Variants in SLCO1C1 observed in about 807,000 individuals in gnomAD.
SLCO1C1 encodes OAT-RP-5.
SLCO1C1 carries 70 observed loss-of-function variants against 76.4 expected under a neutral mutation model. The ratio of observed to expected loss-of-function variants is 0.92; its 90% CI spans 0.76 to 1.12. SLCO1C1 has a LOEUF of 1.12. Ranked by LOEUF, SLCO1C1 falls within the 50% of genes most tolerant of loss-of-function variation. SLCO1C1 has a pLI of 0.00. For missense variants in SLCO1C1, 912 were observed against 823.8 expected, an observed-to-expected ratio of 1.11 and a Z score of -1.31; for synonymous variants, 306 against 286.1, an observed-to-expected ratio of 1.07 and a Z score of -0.70.
Position 20,752,434 on chromosome 12 carries a change from C to T in SLCO1C1, c.2045C>T (p.Thr682Ile), listed in dbSNP as rs1949356225. 5 of 1,613,176 alleles carry T rather than the reference C, an allele frequency of 3.1e-6. No individual in the cohort carries two copies. Among genetic ancestry groups the T allele is most frequent in the Non-Finnish European group, 4.2e-6 (5 of 1,179,532 alleles). ...HRSFITKRER[T>I]MVSTRFQKEN... ...AGTTTTATAACCAAGAGAGAAAGAA[C>T]AATGGTGTCTACAAGATTCCAAAAG... Residue 682 changes from threonine (T) to isoleucine (I), a missense_variant, in exon 15 of 15, where the codon ACA becomes ATA. Thr to Ile is a moderately conservative substitution (Grantham distance 89). Coordinates refer to ENST00000266509, the MANE Select transcript of SLCO1C1 (RefSeq NM_017435.5).
At chr12:20,722,649 C>A (rs1338238436) in intron 8 of SLCO1C1, among the ~76,000 whole-genome samples, 1 of 152,206 alleles carries the variant, frequency 6.6e-6, no homozygotes, top group Admixed American at 6.5e-5. Flanking sequence ...CACTAAAATT[C>A]ATATATTAAA....
At chr12:20,705,041 C>A (rs147282078) in intron 3 of SLCO1C1, among the ~76,000 whole-genome samples, 1 of 152,050 alleles carries the variant, frequency 6.6e-6, no homozygotes, top group Non-Finnish European at 1.5e-5. Context: ...ACGTTTGGTA[C>A]TTGCCAAGAA....
chr12:20,731,196 G>T (rs1478836875), intron 9 of SLCO1C1, among the ~76,000 whole-genome samples: 1 of 152,166 alleles, frequency 6.6e-6, no homozygotes, highest in African/African-American at 2.4e-5. Flanking sequence ...CAAACTATCT[G>T]AAGTTATGCA....
intron 9 of SLCO1C1, among the ~76,000 whole-genome samples, chr12:20,727,360 T>C (rs917857112): frequency 3.9e-5 from 6 of 152,144 alleles, no homozygotes; most frequent in Non-Finnish European, 5.9e-5. Flanking sequence ...CTCACCAACA[T>C]CTGTTATTTT....
intron 5 of SLCO1C1, among the ~76,000 whole-genome samples, chr12:20,713,102 C>T (rs1310296698): frequency 4.7e-5 from 6 of 128,890 alleles, no homozygotes; most frequent in East Asian, 4.4e-4. Flanking sequence ...TTTTTTGAGA[C>T]GGAGTCTCGC....
Position 20,723,103 on chromosome 12 carries a change from A to G in SLCO1C1, c.1035A>G (p.Ser345=). Residue 345 remains serine, a synonymous_variant, in exon 9 of 15, where the codon TCA becomes TCG. Transcript: ENST00000266509. The part of the protein sequence containing the change: ...IMEMARDFLP[S]LKNLFGNPVY... ...TTTGTTTTACAGATTTTCTTCCATCACTGAAGAATCTTTTTGGAAACCCAG... is the reference window on the plus strand; with the variant it reads ...TTTGTTTTACAGATTTTCTTCCATCGCTGAAGAATCTTTTTGGAAACCCAG... 1 of 1,602,766 alleles carries G rather than the reference A, an allele frequency of 6.2e-7. No homozygotes were observed. Among genetic ancestry groups the G allele is most frequent in the Non-Finnish European group, 8.5e-7 (1 of 1,176,740 alleles).
At chr12:20,742,505 A>G (rs551177343) in intron 12 of SLCO1C1, among the ~76,000 whole-genome samples, 43 of 151,818 alleles carry the variant, frequency 2.8e-4, no homozygotes, top group Non-Finnish European at 5.2e-4. Flanking sequence ...CTTATTATTT[A>G]GGTGTTTTTG....
intron 4 of SLCO1C1, among the ~76,000 whole-genome samples, chr12:20,707,417 G>A (rs1236437861): frequency 1.3e-5 from 2 of 151,906 alleles, no homozygotes; most frequent in East Asian, 3.9e-4. Context: ...TTCCACTACT[G>A]AAAAAATTAA....
At chr12:20,704,558 A>G (rs1275018086) in intron 3 of SLCO1C1, among the ~76,000 whole-genome samples, 1 of 151,896 alleles carries the variant, frequency 6.6e-6, no homozygotes, top group Non-Finnish European at 1.5e-5. Context: ...TAATATGAAC[A>G]TTAAGAAGAG....
Position 20,740,176 on chromosome 12 carries a change from T to G in SLCO1C1, c.1549-8T>G. On this transcript the variant is annotated splice_region_variant and splice_polypyrimidine_tract_variant and intron_variant, in intron 11 of 14. Coordinates refer to ENST00000266509, the MANE Select transcript of SLCO1C1 (RefSeq NM_017435.5). ...GAAATAATTGGACTTTTCCCTATCG[T>G]GTTACAGATATTTTACAACTGCACT... 1.9e-6 allele frequency: 3 copies of G among 1,605,556 alleles called. No homozygotes were observed. The highest frequency in any genetic ancestry group is 2.5e-6 in the Non-Finnish European group (3 of 1,177,020).
chr12:20,711,252 C>A, intron 4 of SLCO1C1, 134 bp from the exon 5 acceptor site: 1 of 996,624 alleles, frequency 1.0e-6, no homozygotes, highest in Non-Finnish European at 1.4e-6. Flanking sequence ...TAAACACTGG[C>A]TTGATTTGGT....
intron 9 of SLCO1C1, 23 bp from the exon 10 acceptor site, chr12:20,732,886 G>C (rs767442980): frequency 1.7e-5 from 28 of 1,611,162 alleles, no homozygotes; most frequent in Admixed American, 3.4e-5. Context: ...TTCACAAAAT[G>C]ATATATTTTT....
chr12:20,729,867 G>A (rs1948189210), intron 9 of SLCO1C1, among the ~76,000 whole-genome samples: 1 of 152,090 alleles, frequency 6.6e-6, no homozygotes, highest in African/African-American at 2.4e-5. Context: ...TACATGAAAT[G>A]TTGTGGAAGT....
chr12:20,708,101 A>G (rs1338891884), intron 4 of SLCO1C1, among the ~76,000 whole-genome samples: 1 of 152,130 alleles, frequency 6.6e-6, no homozygotes, highest in African/African-American at 2.4e-5. Flanking sequence ...CCTTTACACA[A>G]CATTAGTAAC....
chr12:20,752,307 C>CAT lies in SLCO1C1; in HGVS notation c.1925_1926dup (p.Leu643IlefsTer4). On this transcript the variant is annotated frameshift_variant and splice_region_variant, in exon 15 of 15. Transcript: ENST00000266509. LOFTEE classifies it low-confidence loss of function (END_TRUNC). ...AACAGAGATTCTCTCTTCTTCTAGA[C>CAT]ATATATATCTGGGACTAACTGTGAT... is the stretch of plus-strand genomic sequence containing the variant. 6.4e-7 allele frequency: 1 copy of CAT among 1,554,346 alleles called. No homozygotes were observed. Among genetic ancestry groups the CAT allele is most frequent in the Non-Finnish European group, 8.7e-7 (1 of 1,143,868 alleles).
intron 4 of SLCO1C1, 149 bp from the exon 5 acceptor site, chr12:20,711,237 G>T (rs1185053498): frequency 3.7e-6 from 3 of 808,540 alleles, no homozygotes; most frequent in Non-Finnish European, 5.5e-6. Flanking sequence ...AGCAAAATCT[G>T]CTGTTAAACA....
intron 4 of SLCO1C1, among the ~76,000 whole-genome samples, chr12:20,708,569 G>C (rs958968653): frequency 6.6e-6 from 1 of 152,064 alleles, no homozygotes; most frequent in Admixed American, 6.5e-5. Flanking sequence ...ATTTGAAGAA[G>C]ACCTGATAAT....
chr12:20,716,633 T>C (rs2120713203), intron 6 of SLCO1C1, among the ~76,000 whole-genome samples: 1 of 152,298 alleles, frequency 6.6e-6, no homozygotes, highest in South Asian at 2.1e-4. Context: ...TCCTAGCACC[T>C]TTGCTAGCTG....
intron 10 of SLCO1C1, 60 bp downstream of exon 10, chr12:20,733,164 G>A (rs1382050552): frequency 3.5e-6 from 5 of 1,425,692 alleles, no homozygotes; most frequent in Non-Finnish European, 4.7e-6. Context: ...TCAATTATTG[G>A]TGGAGTTGCA....
Sources: allele counts gnomAD v4.1 joint callset (sites outside exome capture counted in the v4.1 genomes callset), GRCh38; gene constraint gnomAD v4.1.1; transcripts MANE v1.5; gene names NCBI Gene and HGNC (gene_info 2026-07-23, HGNC 2026-07-21).